UNC13C: variants seen among roughly 807,000 people sequenced by gnomAD.
The protein encoded by UNC13C is unc-13 homolog C.
In UNC13C, 174 loss-of-function variants were observed where a neutral mutation model predicts 245.4. That is an observed-to-expected ratio of 0.71 (90% CI 0.63 to 0.80). The LOEUF is 0.80. UNC13C is among the 30% of genes least tolerant of loss of function. The probability of loss-of-function intolerance (pLI) is 0.00; values close to 1 mark genes in which losing one functional copy is unlikely to be tolerated. For missense variants in UNC13C, 2,829 were observed against 2,602.9 expected, an observed-to-expected ratio of 1.09 and a Z score of -1.89; for synonymous variants, 992 against 895.1, an observed-to-expected ratio of 1.11 and a Z score of -1.93.
intron 30 of UNC13C, among the ~76,000 whole-genome samples, chr15:54,616,125 C>A (rs1900415484): frequency 6.6e-6 from 1 of 152,004 alleles, no homozygotes; most frequent in African/African-American, 2.4e-5. Flanking sequence ...TTACTAACCT[C>A]TCATCAATTT....
chr15:53,902,065 A>T, the UNC13C span, among the ~76,000 whole-genome samples: 1 of 148,414 alleles, frequency 6.7e-6, no homozygotes, highest in Non-Finnish European at 1.5e-5. Flanking sequence ...ATCCTTTAAG[A>T]TCATGTTCTC....
chr15:54,595,484 T>C (rs1899030153), intron 30 of UNC13C, among the ~76,000 whole-genome samples: 1 of 152,156 alleles, frequency 6.6e-6, no homozygotes, highest in South Asian at 2.1e-4. Flanking sequence ...CCTCTCAGGA[T>C]TGCTGGTTTG....
chr15:53,905,746 G>C, the UNC13C span, among the ~76,000 whole-genome samples: 2 of 152,022 alleles, frequency 1.3e-5, no homozygotes, highest in African/African-American at 2.4e-5. Flanking sequence ...CTTGAAATTT[G>C]CTGAGGGTGG....
chr15:54,549,799 A>C, intron 28 of UNC13C, 108 bp downstream of exon 28: 2 of 684,402 alleles, frequency 2.9e-6, no homozygotes, highest in Non-Finnish European at 4.8e-6. Flanking sequence ...GATTAAGAAG[A>C]TGTGTGTGTG....
the UNC13C span, among the ~76,000 whole-genome samples, chr15:53,921,487 A>G: frequency 5.9e-5 from 9 of 152,346 alleles, no homozygotes; most frequent in African/African-American, 9.6e-5. Context: ...AAGTTGGCCA[A>G]TTCTCTGTGG....
chr15:54,310,764 C>G (rs2037848592), intron 13 of UNC13C, among the ~76,000 whole-genome samples: 1 of 150,878 alleles, frequency 6.6e-6, no homozygotes, highest in South Asian at 2.1e-4. Context: ...ATATCTATAT[C>G]TATATCTATA....
At chr15:54,363,069 C>T (rs1413626005) in intron 17 of UNC13C, among the ~76,000 whole-genome samples, 1 of 152,164 alleles carries the variant, frequency 6.6e-6, no homozygotes, top group Non-Finnish European at 1.5e-5. Flanking sequence ...ACTGAAGCAA[C>T]CATAACCAAT....
chr15:54,480,991 TG>T (rs1226313270), intron 19 of UNC13C, among the ~76,000 whole-genome samples: 3 of 152,172 alleles, frequency 2.0e-5, no homozygotes, highest in Non-Finnish European at 4.4e-5. Context: ...CAGGGTACAA[TG>T]TATTCTCATG....
chr15:54,103,078 A>T (rs1900248145), intron 2 of UNC13C, among the ~76,000 whole-genome samples: 1 of 152,168 alleles, frequency 6.6e-6, no homozygotes, highest in African/African-American at 2.4e-5. Flanking sequence ...GAGGGTACAA[A>T]TCGGGGAGAG....
At chr15:53,869,749 C>T in the UNC13C span, among the ~76,000 whole-genome samples, 4 of 152,112 alleles carry the variant, frequency 2.6e-5, no homozygotes, top group Admixed American at 6.6e-5. Context: ...CAGTGAAGCT[C>T]GCATTTATTC....
intron 29 of UNC13C, among the ~76,000 whole-genome samples, chr15:54,564,268 A>G (rs1897414108): frequency 6.6e-6 from 1 of 152,052 alleles, no homozygotes; most frequent in South Asian, 2.1e-4. Context: ...ACTTCTGTTC[A>G]GTAAATATCC....
At chr15:54,314,888 T>C (rs2037970608) in intron 13 of UNC13C, among the ~76,000 whole-genome samples, 1 of 151,766 alleles carries the variant, frequency 6.6e-6, no homozygotes, top group African/African-American at 2.4e-5. Flanking sequence ...TTTTATATCT[T>C]AGAGATCAGA....
the UNC13C span, among the ~76,000 whole-genome samples, chr15:53,879,085 A>T: frequency 1.3e-5 from 2 of 152,122 alleles, no homozygotes; most frequent in African/African-American, 4.8e-5. Flanking sequence ...AATAGTACAT[A>T]AAAAAATTAC....
Position 54,468,834 on chromosome 15 carries a change from C to G in UNC13C, c.4934-25774C>G, listed in dbSNP as rs191117975. On this transcript the variant is annotated intron_variant, in intron 19 of 32. Transcript: ENST00000260323. ...TCTGTTTTTATGTCAATACTATGCA[C>G]TTGGTTTATTATAGCTTTGTAAGTA... 2.1e-3 allele frequency among the ~76,000 whole-genome samples: 313 copies of G among 151,664 alleles called. 3 individuals carry two copies. Among genetic ancestry groups the G allele is most frequent in the Non-Finnish European group, 8.9e-4 (60 of 67,612 alleles).
intron 14 of UNC13C, among the ~76,000 whole-genome samples, chr15:54,323,589 C>CAAATATGAGAATTT (rs2038222967): frequency 5.9e-5 from 9 of 151,962 alleles, no homozygotes; most frequent in Admixed American, 3.9e-4. Context: ...TTTGTCTCTC[C>CAAATATGAGAATTT]TGCCTTACCT....
At chr15:54,277,500 T>C (rs1299309207) in intron 10 of UNC13C, among the ~76,000 whole-genome samples, 1 of 152,194 alleles carries the variant, frequency 6.6e-6, no homozygotes, top group Non-Finnish European at 1.5e-5. Flanking sequence ...GCATGACTTT[T>C]CACTGCAAGA....
At chr15:54,506,868 G>C (rs888226385) in intron 22 of UNC13C, among the ~76,000 whole-genome samples, 11 of 151,990 alleles carry the variant, frequency 7.2e-5, no homozygotes, top group Non-Finnish European at 1.6e-4. Context: ...AAAGCAGTGA[G>C]TGCAAACACA....
intron 16 of UNC13C, among the ~76,000 whole-genome samples, chr15:54,337,159 G>A (rs77315232): frequency 8.5e-4 from 129 of 152,196 alleles, no homozygotes; most frequent in African/African-American, 2.9e-3. Flanking sequence ...GGAGCAGGGT[G>A]GGGGGTACTC....
rs547788991 is a variant in UNC13C, at chr15:54,560,476, A to C, written c.5958+4964A>C. Among the ~76,000 whole-genome samples the C allele has an allele frequency of 5.3e-5, 8 of 152,004 alleles. No homozygotes were observed. In the East Asian group the frequency reaches 1.4e-3, roughly 26 times the overall value. On this transcript the variant is annotated intron_variant, in intron 29 of 32. Transcript: ENST00000260323. Reference sequence around the variant, plus strand: ...GCCTCTCAAATCACAACCAGGTCTCAAGTGCTTTATTTTCTGAAAAGTCAT... The same window carrying C: ...GCCTCTCAAATCACAACCAGGTCTCCAGTGCTTTATTTTCTGAAAAGTCAT...
Sources: gnomAD v4.1 joint callset for allele counts (sites outside exome capture counted in the v4.1 genomes callset) on GRCh38, gnomAD v4.1.1 for gene constraint, MANE v1.5 for transcripts, NCBI Gene and HGNC (gene_info 2026-07-23, HGNC 2026-07-21) for gene names.